CFAP58: variants seen among roughly 807,000 people sequenced by gnomAD.
CFAP58 encodes cilia and flagella associated protein 58, also known as cilia- and flagella-associated protein 58.
Under a neutral mutation model 119.5 loss-of-function variants are expected in CFAP58, and 88 were observed. The observed-to-expected ratio is 0.74, with a 90% CI of 0.62 to 0.88. The LOEUF (loss-of-function observed/expected upper bound fraction) is 0.88. Ranked by LOEUF, CFAP58 falls within the 40% of genes least tolerant of loss-of-function variation. The probability of loss-of-function intolerance (pLI) is 0.00; values close to 1 mark genes in which losing one functional copy is unlikely to be tolerated. For synonymous variants in CFAP58, 365 were observed against 366.3 expected (o/e 1.00, Z 0.04); for missense variants, 990 against 1,021.2 (o/e 0.97, Z 0.42).
chr10:104,364,427 A>AC (rs2014713522), intron 3 of CFAP58, among the ~76,000 whole-genome samples: 58 of 142,244 alleles, frequency 4.1e-4, no homozygotes, highest in African/African-American at 1.5e-3. Flanking sequence ...ATGTCTGTAA[A>AC]ACACACACAC....
chr10:104,396,205 A>G (rs915552016), intron 11 of CFAP58, among the ~76,000 whole-genome samples: 1 of 151,994 alleles, frequency 6.6e-6, no homozygotes, highest in Non-Finnish European at 1.5e-5. Flanking sequence ...TCTCTTTCCA[A>G]TCATCCTACA....
intron 9 of CFAP58, among the ~76,000 whole-genome samples, chr10:104,386,725 A>G (rs74473479): frequency 0.012 from 1,850 of 152,366 alleles, 29 homozygotes; most frequent in Middle Eastern, 0.071. Flanking sequence ...TTTTGAACTA[A>G]GAATGAATGG....
Position 104,370,958 on chromosome 10 carries a change from C to A in CFAP58, c.994C>A (p.Gln332Lys), listed in dbSNP as rs576665289. ...DIGKLNKIRE[Q>K]IHKKLHHTED... is the part of the protein sequence containing the mutation. ...CGGGAAGCTCAACAAAATCAGAGAACAAATTCATAAGAAATTGCACCACAC... is the reference window on the plus strand; with the variant it reads ...CGGGAAGCTCAACAAAATCAGAGAAAAAATTCATAAGAAATTGCACCACAC... Residue 332 changes from glutamine to lysine, a missense_variant, in exon 7 of 18, where the codon CAA (glutamine) becomes AAA (lysine). Physicochemically the swap from Gln to Lys is moderately conservative, Grantham distance 53. Coordinates refer to ENST00000369704, the MANE Select transcript of CFAP58 (RefSeq NM_001008723.2). The A allele has an allele frequency of 6.2e-7, 1 of 1,613,566 alleles. No homozygotes were observed. The highest frequency in any genetic ancestry group is 1.1e-5 in the South Asian group (1 of 91,048).
chr10:104,418,637 C>T (rs10883999), intron 15 of CFAP58, among the ~76,000 whole-genome samples: 22,423 of 152,194 alleles, frequency 0.15, 1,849 homozygotes, highest in Middle Eastern at 0.31. Context: ...CCCAATAGAG[C>T]CACTGAACAT....
chr10:104,406,868 AGTT>A, intron 15 of CFAP58, 75 bp downstream of exon 15: 2 of 1,181,910 alleles, frequency 1.7e-6, no homozygotes, highest in Non-Finnish European at 2.5e-6. Context: ...TCTTAGAATT[AGTT>A]ATTTGGCAGC....
At chr10:104,356,370 C>G in intron 1 of CFAP58, among the ~76,000 whole-genome samples, 1 of 152,204 alleles carries the variant, frequency 6.6e-6, no homozygotes, top group East Asian at 1.9e-4. Flanking sequence ...TCCTTAAAAT[C>G]TTCAGGGTGA....
chr10:104,364,754 C>T lies in CFAP58; in HGVS notation c.462C>T (p.Phe154=). 6.2e-7 allele frequency: 1 copy of T among 1,612,896 alleles called. No individual in the cohort carries two copies. The highest frequency in any genetic ancestry group is 2.2e-5 in the East Asian group (1 of 44,814). ...QHSNIRDLLR[F]KEEVTKERDQ... ...TTAGCATCCGAGATTTACTGAGGTT[C>T]AAAGAAGAAGTGACAAAGGAGAGAG... The change falls in exon 4 of 18, where the codon TTC becomes TTT. Residue 154 remains phenylalanine (F), a synonymous_variant. Transcript: ENST00000369704.
At chr10:104,388,046 T>C (rs1019052891) in intron 9 of CFAP58, among the ~76,000 whole-genome samples, 1 of 152,192 alleles carries the variant, frequency 6.6e-6, no homozygotes, top group African/African-American at 2.4e-5. Context: ...ATCTTCATAA[T>C]GAAATAAAGC....
chr10:104,354,470 T>TTACA (rs1208569576), intron 1 of CFAP58, among the ~76,000 whole-genome samples: 2 of 152,000 alleles, frequency 1.3e-5, no homozygotes, highest in Admixed American at 1.3e-4. Flanking sequence ...CTCCCCCATA[T>TTACA]TACAGTACAC....
chr10:104,417,741 T>C (rs2012576233), intron 15 of CFAP58, among the ~76,000 whole-genome samples: 2 of 152,246 alleles, frequency 1.3e-5, no homozygotes, highest in South Asian at 4.1e-4. Flanking sequence ...TGCCCTGTGC[T>C]GAGCATCTGC....
chr10:104,453,930 T>C (rs1441284299), intron 17 of CFAP58, among the ~76,000 whole-genome samples: 1 of 152,198 alleles, frequency 6.6e-6, no homozygotes, highest in Non-Finnish European at 1.5e-5. Flanking sequence ...AATGGTTGCT[T>C]GTCTAGGGTT....
intron 14 of CFAP58, among the ~76,000 whole-genome samples, chr10:104,404,224 G>A (rs2012318213): frequency 6.6e-6 from 1 of 152,156 alleles, no homozygotes; most frequent in South Asian, 2.1e-4. Flanking sequence ...TCTTTCAATT[G>A]ATCTTTGCAT....
At chr10:104,357,902 C>CATATATACACATATATGT (rs2014586551) in intron 1 of CFAP58, among the ~76,000 whole-genome samples, 5 of 71,546 alleles carry the variant, frequency 7.0e-5, no homozygotes, top group South Asian at 3.2e-4. Context: ...CATATATGTA[C>CATATATACACATATATGT]ACATATACAC....
At chr10:104,425,678 G>T (rs569630612) in intron 15 of CFAP58, among the ~76,000 whole-genome samples, 2 of 152,294 alleles carry the variant, frequency 1.3e-5, no homozygotes, top group East Asian at 3.9e-4. Context: ...GGCAGAGTCG[G>T]GGCCCAAACC....
At chr10:104,356,173 G>A (rs2014540270) in intron 1 of CFAP58, among the ~76,000 whole-genome samples, 1 of 152,290 alleles carries the variant, frequency 6.6e-6, no homozygotes, top group East Asian at 1.9e-4. Flanking sequence ...TAGTACTAAA[G>A]TTGTTATACA....
chr10:104,362,278 A>G, intron 3 of CFAP58, 107 bp downstream of exon 3: 1 of 934,298 alleles, frequency 1.1e-6, no homozygotes, highest in Non-Finnish European at 1.6e-6. Flanking sequence ...TCTGTGATAC[A>G]AGACTCTTCT....
chr10:104,401,026 C>T (rs1398175827), intron 13 of CFAP58, 123 bp downstream of exon 13: 2 of 672,832 alleles, frequency 3.0e-6, no homozygotes, highest in Admixed American at 5.8e-5. Flanking sequence ...ATGAAGTTTA[C>T]AGGATGAAAT....
intron 15 of CFAP58, among the ~76,000 whole-genome samples, chr10:104,438,336 T>TG (rs1283565509): frequency 6.7e-5 from 9 of 133,872 alleles, no homozygotes; most frequent in African/African-American, 2.9e-4. Flanking sequence ...GTTTTTTTGT[T>TG]TTTTGTTTTT....
intron 15 of CFAP58, among the ~76,000 whole-genome samples, chr10:104,445,373 A>G (rs2013099099): frequency 1.3e-5 from 2 of 152,058 alleles, no homozygotes; most frequent in South Asian, 4.1e-4. Flanking sequence ...AAAGAACAAA[A>G]AGGAAAGAAA....
Sources: gnomAD v4.1 joint callset for allele counts (sites outside exome capture counted in the v4.1 genomes callset) on GRCh38, gnomAD v4.1.1 for gene constraint, MANE v1.5 for transcripts, NCBI Gene and HGNC (gene_info 2026-07-23, HGNC 2026-07-21) for gene names.